The following WDFY1 variants were observed in gnomAD, a reference collection of about 807,000 sequenced individuals.
WDFY1 encodes WD repeat and FYVE domain-containing protein 1.
Under a neutral mutation model 56.4 loss-of-function variants are expected in WDFY1, and 32 were observed. The observed-to-expected ratio is 0.57, with a 90% CI of 0.43 to 0.76. The LOEUF (loss-of-function observed/expected upper bound fraction) is 0.76, where lower values mean the gene tolerates loss of function less well. Ranked by LOEUF, WDFY1 falls within the 30% of genes least tolerant of loss-of-function variation. The pLI, the probability that WDFY1 is intolerant of heterozygous loss-of-function variation, is 0.00. For missense variants in WDFY1, 480 were observed against 545.7 expected (o/e 0.88, Z 1.20); for synonymous variants, 192 against 197.3 (o/e 0.97, Z 0.23).
At chr2:223,891,959 C>A (rs1024736716) in intron 8 of WDFY1, among the ~76,000 whole-genome samples, 8 of 152,184 alleles carry the variant, frequency 5.3e-5, no homozygotes, top group African/African-American at 1.9e-4. Flanking sequence ...TAGTATTATG[C>A]ATCCTATAAT....
At chr2:223,940,259 C>A (rs1689278032) in intron 1 of WDFY1, among the ~76,000 whole-genome samples, 1 of 152,108 alleles carries the variant, frequency 6.6e-6, no homozygotes, top group South Asian at 2.1e-4. Context: ...GCAGAGGTTG[C>A]AGTGAGCCAA....
Position 223,895,737 on chromosome 2 carries a change from C to CT in WDFY1, c.599-108dup, listed in dbSNP as rs1693356016. 10 of 1,483,714 alleles carry CT rather than the reference C, an allele frequency of 6.7e-6. No individual in the cohort carries two copies. The East Asian group carries it at 2.5e-4, about 37-fold the overall frequency. The allele number at this position is 1,483,714 out of a possible 1,614,324, so 91.9% of individuals were successfully genotyped here. The stretch of plus-strand genomic sequence containing the variant: ...CAGCTGAAGACCAAACTAGGAGCAG[C>CT]TGAGTCTTTAAGCAAAAAGGTATCT... On this transcript the variant is annotated intron_variant, in intron 6 of 11. Transcript: ENST00000233055.
intron 3 of WDFY1, among the ~76,000 whole-genome samples, chr2:223,909,838 C>T (rs1396219801): frequency 1.3e-5 from 2 of 152,220 alleles, no homozygotes; most frequent in African/African-American, 4.8e-5. Context: ...CCCACCGCCA[C>T]TCTGGCCGTG....
At chr2:223,900,093 C>G (rs1693478240) in intron 5 of WDFY1, among the ~76,000 whole-genome samples, 1 of 152,116 alleles carries the variant, frequency 6.6e-6, no homozygotes, top group South Asian at 2.1e-4. Context: ...GAAATTTATA[C>G]ACGACATGTT....
intron 1 of WDFY1, among the ~76,000 whole-genome samples, chr2:223,933,388 TC>T (rs1559175916): frequency 1.3e-5 from 2 of 151,982 alleles, no homozygotes; most frequent in Non-Finnish European, 2.9e-5. Flanking sequence ...CTTGCTGTAA[TC>T]TTTTCACTGT....
intron 3 of WDFY1, among the ~76,000 whole-genome samples, chr2:223,908,491 A>G (rs531888831): frequency 2.5e-4 from 38 of 152,226 alleles, no homozygotes; most frequent in African/African-American, 8.9e-4. Flanking sequence ...ACTGCCCTCC[A>G]GCTTCCGTGG....
intron 8 of WDFY1, among the ~76,000 whole-genome samples, chr2:223,888,362 C>T (rs1199465276): frequency 2.6e-5 from 4 of 152,014 alleles, no homozygotes; most frequent in African/African-American, 7.2e-5. Flanking sequence ...GCCACTGTGC[C>T]CAGCTGTACA....
At chr2:223,896,684 T>C (rs977318338) in intron 6 of WDFY1, among the ~76,000 whole-genome samples, 3 of 152,222 alleles carry the variant, frequency 2.0e-5, no homozygotes, top group Non-Finnish European at 2.9e-5. Context: ...GGTAGGTATA[T>C]AGAAAATTAA....
chr2:223,909,808 C>T (rs534869590), intron 3 of WDFY1, among the ~76,000 whole-genome samples: 72 of 152,298 alleles, frequency 4.7e-4, no homozygotes, highest in African/African-American at 1.7e-3. Flanking sequence ...TCACCCAGGC[C>T]GCTAAAACAA....
chr2:223,885,517 C>A (rs984658643), intron 8 of WDFY1, among the ~76,000 whole-genome samples: 1 of 152,106 alleles, frequency 6.6e-6, no homozygotes, highest in African/African-American at 2.4e-5. Flanking sequence ...GCCGAGTAAT[C>A]ATGGCAATTT....
rs749647247 is a variant in WDFY1 at position 223,881,980 on chromosome 2, C to T, written c.1026G>A (p.Arg342=). The part of the protein sequence containing the change: ...YPVMGFEFQV[R]VCDSCYDSIK... ...TGGAGTCGTAACAAGAATCACAAAC[C>T]CGGACTTGGAACTCGAAGCCCATGA... The change falls in exon 10 of 12, where the codon CGG becomes CGA. Residue 342 remains arginine, a synonymous_variant. Transcript: ENST00000233055. 2 of 1,613,972 alleles carry T rather than the reference C, an allele frequency of 1.2e-6. No homozygotes were observed. Among genetic ancestry groups the T allele is most frequent in the South Asian group, 2.2e-5 (2 of 91,080 alleles).
intron 1 of WDFY1, among the ~76,000 whole-genome samples, chr2:223,921,861 C>T (rs368330583): frequency 1.3e-5 from 2 of 152,164 alleles, no homozygotes; most frequent in African/African-American, 2.4e-5. Context: ...TCATCCTCAG[C>T]GTGACTACCA....
intron 3 of WDFY1, among the ~76,000 whole-genome samples, chr2:223,912,015 A>G (rs969670951): frequency 1.3e-5 from 2 of 151,806 alleles, no homozygotes; most frequent in African/African-American, 4.8e-5. Flanking sequence ...AGGTCTCACT[A>G]TGTTACCCAG....
rs1574781547 is a variant in WDFY1 at position 223,933,336 on chromosome 2, A to C, written c.137+11812T>G. Among the ~76,000 whole-genome samples, 5 of 110,904 alleles carry C rather than the reference A, an allele frequency of 4.5e-5. 1 individual carries two copies. The South Asian group carries it at 1.7e-3, about 38-fold the overall frequency. The allele number at this position is 110,904 out of a possible 152,430, so 72.8% of individuals were successfully genotyped here. A position where few individuals can be genotyped will look rare whatever the true frequency, so the allele number is the denominator to read the frequency against. On this transcript the variant is annotated intron_variant, in intron 1 of 11. Transcript: ENST00000233055. ...CCCTTCCAGAAGCCAGATTGGCTGA[A>C]AACCTGCAGATTTTTTTTTTTTTTT...
chr2:223,907,511 G>A (rs1693617356), intron 3 of WDFY1, among the ~76,000 whole-genome samples: 1 of 152,066 alleles, frequency 6.6e-6, no homozygotes, highest in South Asian at 2.1e-4. Flanking sequence ...CCTTTCCATT[G>A]AACAACTGTA....
At chr2:223,940,583 T>C (rs1689284583) in intron 1 of WDFY1, among the ~76,000 whole-genome samples, 2 of 152,136 alleles carry the variant, frequency 1.3e-5, no homozygotes, top group South Asian at 4.1e-4. Context: ...CATTTGCTTG[T>C]TTTGAACTCT....
chr2:223,911,818 C>CT (rs11311685), intron 3 of WDFY1, among the ~76,000 whole-genome samples: 36 of 141,386 alleles, frequency 2.5e-4, no homozygotes, highest in East Asian at 1.0e-3. Context: ...CTGAATTAAA[C>CT]TTTTTTTTTT....
chr2:223,909,847 T>C (rs1247626354), intron 3 of WDFY1, among the ~76,000 whole-genome samples: 1 of 152,210 alleles, frequency 6.6e-6, no homozygotes, highest in Non-Finnish European at 1.5e-5. Flanking sequence ...ACTCTGGCCG[T>C]GCCTCAATCT....
intron 8 of WDFY1, among the ~76,000 whole-genome samples, chr2:223,887,990 A>G (rs553075638): frequency 6.6e-6 from 1 of 152,222 alleles, no homozygotes; most frequent in Non-Finnish European, 1.5e-5. Flanking sequence ...TTTCTACACA[A>G]ATACAAAATT....
Sources: allele counts gnomAD v4.1 joint callset (sites outside exome capture counted in the v4.1 genomes callset), GRCh38; gene constraint gnomAD v4.1.1; transcripts MANE v1.5; gene names NCBI Gene and HGNC (gene_info 2026-07-23, HGNC 2026-07-21).